ST3GAL1: variants seen among roughly 807,000 people sequenced by gnomAD.
The protein encoded by ST3GAL1 is CMP-N-acetylneuraminate-beta-galactosamide-alpha-2,3-sialyltransferase 1.
In ST3GAL1, 16 loss-of-function variants were observed where a neutral mutation model predicts 34.1. That is an observed-to-expected ratio of 0.47 (90% CI 0.32 to 0.71). The LOEUF (loss-of-function observed/expected upper bound fraction) is 0.71. Ranked by LOEUF, ST3GAL1 falls within the 30% of genes least tolerant of loss-of-function variation. ST3GAL1 has a pLI of 0.04. For missense variants in ST3GAL1, 353 were observed against 447.4 expected, an observed-to-expected ratio of 0.79 and a Z score of 1.90; for synonymous variants, 191 against 184.7, an observed-to-expected ratio of 1.03 and a Z score of -0.28.
chr8:133,534,222 C>A (rs1818240293), intron 2 of ST3GAL1, among the ~76,000 whole-genome samples: 3 of 152,180 alleles, frequency 2.0e-5, no homozygotes, highest in African/African-American at 7.2e-5. Context: ...ACACCCAATC[C>A]TCCAGCACAA....
At chr8:133,540,812 CAT>C (rs1182394748) in intron 2 of ST3GAL1, among the ~76,000 whole-genome samples, 1,263 of 98,356 alleles carry the variant, frequency 0.013, 50 homozygotes, top group Middle Eastern at 0.028. Context: ...TATAGAGAGA[CAT>C]ATATATATAG....
At position 133,461,554 on chromosome 8, in the gene ST3GAL1, T is replaced by C. The variant is rs551852352; in HGVS notation, c.849+321A>G. ...AAGGAGCAAGTGGGATTGAGAACTG[T>C]GGCCTTAGACAACTCTCGCTATGAG... On this transcript the variant is annotated intron_variant, in intron 9 of 9. Coordinates refer to ENST00000522652, the MANE Select transcript of ST3GAL1 (RefSeq NM_173344.3). The surrounding 1 kb of genome is among the most constrained non-coding windows in gnomAD (Gnocchi z 4.7). Among the ~76,000 whole-genome samples the C allele has an allele frequency of 1.3e-5, 2 of 152,168 alleles. No individual in the cohort carries two copies. Among genetic ancestry groups the C allele is most frequent in the African/African-American group, 2.4e-5 (1 of 41,430 alleles).
intron 2 of ST3GAL1, among the ~76,000 whole-genome samples, chr8:133,520,490 G>T (rs1337807502): frequency 6.6e-6 from 1 of 152,108 alleles, no homozygotes; most frequent in African/African-American, 2.4e-5. Flanking sequence ...AAAGCTGTTG[G>T]GTATGGGCCC....
chr8:133,541,678 T>C (rs1818538858), intron 2 of ST3GAL1, among the ~76,000 whole-genome samples: 1 of 152,220 alleles, frequency 6.6e-6, no homozygotes, highest in Non-Finnish European at 1.5e-5. Flanking sequence ...GAGAGGTTTC[T>C]CCCTAGGCCT....
intron 7 of ST3GAL1, among the ~76,000 whole-genome samples, chr8:133,463,697 C>T (rs1815609575): frequency 1.3e-5 from 2 of 152,128 alleles, no homozygotes; most frequent in Non-Finnish European, 2.9e-5. Context: ...GGGTTTTGGC[C>T]CCATTCCCCA....
chr8:133,524,707 C>A (rs775433188), intron 2 of ST3GAL1, among the ~76,000 whole-genome samples: 2 of 152,270 alleles, frequency 1.3e-5, no homozygotes, highest in African/African-American at 2.4e-5. Flanking sequence ...GGCACAGGTG[C>A]CAGCTCCATG....
chr8:133,521,301 T>A (rs1015684930), intron 2 of ST3GAL1, among the ~76,000 whole-genome samples: 5 of 151,752 alleles, frequency 3.3e-5, no homozygotes, highest in Non-Finnish European at 7.4e-5. Flanking sequence ...ACCCAGCTAA[T>A]TTTTGGGGGT....
chr8:133,565,034 AGGCAAGGGG>A (rs994167239), intron 1 of ST3GAL1, among the ~76,000 whole-genome samples: 13 of 152,200 alleles, frequency 8.5e-5, no homozygotes, highest in African/African-American at 2.9e-4. Context: ...GTGTGGCCTT[AGGCAAGGGG>A]GTTACCCTCC....
intron 1 of ST3GAL1, among the ~76,000 whole-genome samples, chr8:133,554,070 C>T (rs767900866): frequency 4.6e-5 from 7 of 152,148 alleles, no homozygotes; most frequent in Admixed American, 6.5e-5. Context: ...GGCTGTATAG[C>T]GGTTTCTGAT....
intron 2 of ST3GAL1, among the ~76,000 whole-genome samples, chr8:133,537,219 G>A (rs1007387680): frequency 2.0e-5 from 3 of 152,226 alleles, no homozygotes; most frequent in South Asian, 4.1e-4. Flanking sequence ...GAGATGCGTG[G>A]GGGGAGGTAT....
At chr8:133,496,520 T>C (rs1816950021) in intron 3 of ST3GAL1, among the ~76,000 whole-genome samples, 1 of 152,228 alleles carries the variant, frequency 6.6e-6, no homozygotes, top group South Asian at 2.1e-4. Flanking sequence ...GGTTGTAGCA[T>C]TTCCAGATCA....
chr8:133,529,156 T>C (rs536834094), intron 2 of ST3GAL1, among the ~76,000 whole-genome samples: 1 of 152,280 alleles, frequency 6.6e-6, no homozygotes, highest in South Asian at 2.1e-4. Flanking sequence ...CCTGTGGTGA[T>C]GGGTCCTCCC....
chr8:133,524,248 G>T (rs570613396), intron 2 of ST3GAL1, among the ~76,000 whole-genome samples: 1 of 152,284 alleles, frequency 6.6e-6, no homozygotes, highest in South Asian at 2.1e-4. Context: ...CAATTTTTCA[G>T]ATGAAAATGT....
chr8:133,517,401 G>A (rs1817679192), intron 2 of ST3GAL1, among the ~76,000 whole-genome samples: 1 of 152,114 alleles, frequency 6.6e-6, no homozygotes, highest in African/African-American at 2.4e-5. Flanking sequence ...CCAGGCTGGA[G>A]TGCAGTGGTG....
At chr8:133,498,069 C>T (rs1817022806) in intron 3 of ST3GAL1, among the ~76,000 whole-genome samples, 1 of 152,240 alleles carries the variant, frequency 6.6e-6, no homozygotes, top group South Asian at 2.1e-4. Context: ...GAAGCCTTCC[C>T]TGGTCACCCT....
At chr8:133,470,354 G>A (rs974387643) in intron 5 of ST3GAL1, among the ~76,000 whole-genome samples, 1 of 151,984 alleles carries the variant, frequency 6.6e-6, no homozygotes, top group Non-Finnish European at 1.5e-5. Context: ...AGGAGGCGGA[G>A]GTTGTGGTGA....
intron 1 of ST3GAL1, among the ~76,000 whole-genome samples, chr8:133,569,957 T>G (rs1819518223): frequency 6.6e-6 from 1 of 152,244 alleles, no homozygotes; most frequent in Non-Finnish European, 1.5e-5. Context: ...TCGATACATT[T>G]GAACTCCATT....
chr8:133,487,811 C>CA (rs954120866), intron 3 of ST3GAL1, among the ~76,000 whole-genome samples: 3 of 151,626 alleles, frequency 2.0e-5, no homozygotes, highest in Admixed American at 6.6e-5. Context: ...TATAAAAATA[C>CA]AAAAAAATTA....
At chr8:133,541,004 T>TAGACATATATATGC (rs1818491375) in intron 2 of ST3GAL1, among the ~76,000 whole-genome samples, 1 of 92,292 alleles carries the variant, frequency 1.1e-5, no homozygotes, top group Non-Finnish European at 2.5e-5. Context: ...CATATATATA[T>TAGACATATATATGC]AGACATATAT....
Sources: allele counts gnomAD v4.1 joint callset (sites outside exome capture counted in the v4.1 genomes callset), GRCh38; gene constraint gnomAD v4.1.1; non-coding constraint Gnocchi (gnomAD v3.1); transcripts MANE v1.5; gene names NCBI Gene and HGNC (gene_info 2026-07-23, HGNC 2026-07-21).